Variants in LRRC37A3 observed in about 807,000 individuals in gnomAD.
LRRC37A3 encodes the protein leucine-rich repeat-containing protein 37A3.
Under a neutral mutation model 106.2 loss-of-function variants are expected in LRRC37A3, and 25 were observed. That is an observed-to-expected ratio of 0.24 (90% CI 0.17 to 0.33). The LOEUF (loss-of-function observed/expected upper bound fraction) is 0.33. Ranked by LOEUF, LRRC37A3 falls within the 10% of genes least tolerant of loss-of-function variation. The pLI is 1.00. For synonymous variants in LRRC37A3, 305 were observed against 635.8 expected (o/e 0.48, Z 7.83); for missense variants, 712 against 1,644.9 (o/e 0.43, Z 9.81).
intron 13 of LRRC37A3, among the ~76,000 whole-genome samples, chr17:64,858,398 G>A (rs537692469): frequency 1.1e-4 from 16 of 152,310 alleles, no homozygotes; most frequent in African/African-American, 3.1e-4. Flanking sequence ...TGACAACTCC[G>A]TGAGGGTGGA....
intron 10 of LRRC37A3, among the ~76,000 whole-genome samples, chr17:64,866,623 TATA>T (rs1340717397): frequency 3.0e-3 from 74 of 24,352 alleles, no homozygotes; most frequent in African/African-American, 0.013. Flanking sequence ...TATATATATA[TATA>T]TATTTTTTTT....
intron 8 of LRRC37A3, among the ~76,000 whole-genome samples, chr17:64,880,462 G>T (rs529012235): frequency 1.6e-4 from 25 of 152,248 alleles, no homozygotes; most frequent in Admixed American, 1.2e-3. Context: ...AGTGTTTTTA[G>T]ATTCACAGTA....
rs778766947 is a variant in LRRC37A3, at chr17:64,859,779, G to A, written c.4367C>T (p.Pro1456Leu). ...EYNNVGTDLSPEPKSFNYPLL... is the reference protein window; with the variant it reads ...EYNNVGTDLSLEPKSFNYPLL... Reference sequence around the variant, plus strand: ...TGGGTAATTGAAGCTTTTGGGCTCGGGGGACAGGTCAGTGCCCACGTTGTT... The same window carrying A: ...TGGGTAATTGAAGCTTTTGGGCTCGAGGGACAGGTCAGTGCCCACGTTGTT... The change falls in exon 12 of 15, where the codon CCC (proline) becomes CTC (leucine). Residue 1456 changes from proline to leucine, a missense_variant. Transcript: ENST00000584306. 5.6e-6 allele frequency: 9 copies of A among 1,612,296 alleles called. No individual in the cohort carries two copies. Among genetic ancestry groups the A allele is most frequent in the Non-Finnish European group, 7.6e-6 (9 of 1,179,970 alleles).
intron 8 of LRRC37A3, among the ~76,000 whole-genome samples, chr17:64,875,786 C>T (rs371303735): frequency 1.1e-4 from 16 of 151,144 alleles, no homozygotes; most frequent in African/African-American, 3.9e-4. Flanking sequence ...GAGACTCTGT[C>T]CCAAAATGAA....
At chr17:64,909,821 T>C (rs917210530) in intron 2 of LRRC37A3, 22 of 152,168 alleles carry the variant, frequency 1.4e-4, no homozygotes, top group African/African-American at 5.3e-4. Flanking sequence ...TGAAGAAAAA[T>C]GGAGAACCAA....
At chr17:64,883,117 T>A (rs987873305) in intron 8 of LRRC37A3, among the ~76,000 whole-genome samples, 1 of 152,218 alleles carries the variant, frequency 6.6e-6, no homozygotes, top group Admixed American at 6.5e-5. Flanking sequence ...ATTGCCCCCA[T>A]TCAGTGAGGG....
At chr17:64,862,851 A>C (rs777115616) in intron 11 of LRRC37A3, 49 bp downstream of exon 11, 197 of 1,593,570 alleles carry the variant, frequency 1.2e-4, no homozygotes, top group Non-Finnish European at 1.6e-4. Flanking sequence ...AAAAAGTTTA[A>C]AAACAAATAC....
At chr17:64,878,053 T>G (rs1001229307) in intron 8 of LRRC37A3, among the ~76,000 whole-genome samples, 2 of 152,110 alleles carry the variant, frequency 1.3e-5, no homozygotes, top group African/African-American at 4.8e-5. Context: ...ATGATAAGAC[T>G]CTTACACAAA....
intron 2 of LRRC37A3, chr17:64,909,578 A>G (rs1445553778): frequency 6.6e-6 from 1 of 152,196 alleles, no homozygotes; most frequent in Non-Finnish European, 1.5e-5. Context: ...TTCTCCCCAA[A>G]TAATTCTGAT....
intron 8 of LRRC37A3, among the ~76,000 whole-genome samples, chr17:64,872,188 C>T (rs1445376980): frequency 1.5e-5 from 1 of 68,764 alleles, no homozygotes; most frequent in African/African-American, 5.6e-5. Flanking sequence ...TTCATAAAAG[C>T]AACAAATACC....
At chr17:64,870,305 G>A (rs974966638) in intron 8 of LRRC37A3, among the ~76,000 whole-genome samples, 3 of 151,670 alleles carry the variant, frequency 2.0e-5, no homozygotes, top group African/African-American at 7.3e-5. Context: ...TTTAACAAAT[G>A]TTTATTGAAT....
At chr17:64,871,547 C>T (rs1354570126) in intron 8 of LRRC37A3, 1 of 151,974 alleles carries the variant, frequency 6.6e-6, no homozygotes, top group South Asian at 2.1e-4. Context: ...CTATTCACAA[C>T]CATGATCCCA....
Position 64,854,626 on chromosome 17 carries a change from C to G in LRRC37A3, c.4878G>C (p.Thr1626=), listed in dbSNP as rs781040146. ...EGFSRDSEAP[T]EEESEALP The stretch of plus-strand genomic sequence containing the variant: ...ATGGCAGGGCTTCACTCTCCTCCTC[C>G]GTTGGGGCTTCGCTGTCCCTGGGAT... Residue 1626 remains threonine (T), a synonymous_variant, in exon 15 of 15, where the codon ACG becomes ACC. Transcript: ENST00000584306. The G allele has an allele frequency of 4.3e-6, 7 of 1,613,800 alleles. No individual in the cohort carries two copies. The South Asian group carries it at 5.5e-5, about 13-fold the overall frequency.
At chr17:64,865,897 C>G (rs1973052218) in intron 10 of LRRC37A3, among the ~76,000 whole-genome samples, 1 of 152,188 alleles carries the variant, frequency 6.6e-6, no homozygotes, top group South Asian at 2.1e-4. Context: ...CAATCTAGAA[C>G]TGTTCCCAGG....
chr17:64,881,129 A>C, intron 8 of LRRC37A3: 1 of 700,928 alleles, frequency 1.4e-6, no homozygotes, highest in Non-Finnish European at 2.6e-6. Flanking sequence ...CGTGAGCCAC[A>C]CATCTCCCCA....
At chr17:64,875,842 A>G (rs1023384330) in intron 8 of LRRC37A3, among the ~76,000 whole-genome samples, 1 of 152,184 alleles carries the variant, frequency 6.6e-6, no homozygotes, top group African/African-American at 2.4e-5. Context: ...ATAATTATAA[A>G]TCTAGTTGAT....
At chr17:64,916,529 C>A (rs1245769127) in intron 2 of LRRC37A3, among the ~76,000 whole-genome samples, 1 of 150,840 alleles carries the variant, frequency 6.6e-6, no homozygotes, top group African/African-American at 2.4e-5. Context: ...GTAATCTCAG[C>A]ACTTTGGGAG....
intron 11 of LRRC37A3, among the ~76,000 whole-genome samples, chr17:64,862,189 G>A (rs1972900142): frequency 6.6e-6 from 1 of 151,862 alleles, no homozygotes; most frequent in African/African-American, 2.4e-5. Flanking sequence ...CCATATCACT[G>A]GTAGATACCT....
At chr17:64,856,018 T>A (rs1972666344) in intron 13 of LRRC37A3, 129 bp from the exon 14 acceptor site, 2 of 1,581,084 alleles carry the variant, frequency 1.3e-6, no homozygotes, top group South Asian at 2.2e-5. Flanking sequence ...AGACAGGAAT[T>A]GCATACTGTG....
Sources: gnomAD v4.1 joint callset for allele counts (sites outside exome capture counted in the v4.1 genomes callset) on GRCh38, gnomAD v4.1.1 for gene constraint, MANE v1.5 for transcripts, NCBI Gene and HGNC (gene_info 2026-07-23, HGNC 2026-07-21) for gene names.